Variants in PCM1 observed in about 807,000 individuals in gnomAD.
The protein encoded by PCM1 is pericentriolar material 1 protein.
In PCM1, 157 loss-of-function variants were observed where a neutral mutation model predicts 241.9. The ratio of observed to expected loss-of-function variants is 0.65; its 90% confidence interval spans 0.57 to 0.74. The LOEUF (loss-of-function observed/expected upper bound fraction) is 0.74. PCM1 is among the 30% of genes least tolerant of loss of function. The pLI, the probability that PCM1 is intolerant of heterozygous loss-of-function variation, is 0.00. For synonymous variants in PCM1, 1,085 were observed against 784.9 expected, an observed-to-expected ratio of 1.38 and a Z score of -6.39; for missense variants, 3,478 against 2,360.1, an observed-to-expected ratio of 1.47 and a Z score of -9.81.
intron 36 of PCM1, among the ~76,000 whole-genome samples, chr8:18,024,040 C>A (rs2093970281): frequency 6.6e-6 from 1 of 152,122 alleles, no homozygotes; most frequent in African/African-American, 2.4e-5. Flanking sequence ...AATACCTGAC[C>A]AAAACCCCCA....
chr8:17,938,756 A>C lies in PCM1; in HGVS notation c.359A>C (p.Asp120Ala). 1 of 1,611,294 alleles carries C rather than the reference A, an allele frequency of 6.2e-7. No homozygotes were observed. The highest frequency in any genetic ancestry group is 8.5e-7 in the Non-Finnish European group (1 of 1,177,494). The change falls in exon 5 of 39, where the codon GAT (aspartate) becomes GCT (alanine). Residue 120 changes from aspartate to alanine, a missense_variant. Asp to Ala is a moderately radical substitution (Grantham distance 126). Coordinates refer to ENST00000325083, the MANE Select transcript of PCM1 (RefSeq NM_006197.4). ...CATATATAGAGAAGCATTGGAAGTG[A>C]TTCCCAAGGTAGAGCAACAGCTGCT... is the stretch of plus-strand genomic sequence containing the variant. ...SDLDQRSIGS[D>A]SQGRATAANN...
At chr8:17,951,239 T>C (rs2129458395) in intron 8 of PCM1, among the ~76,000 whole-genome samples, 1 of 152,334 alleles carries the variant, frequency 6.6e-6, no homozygotes, top group East Asian at 1.9e-4. Flanking sequence ...AGATTTTCAA[T>C]ATGGGGGCCT....
chr8:17,948,111 A>G lies in PCM1; in HGVS notation c.961+748A>G, dbSNP rs199963424. ...TATCCCCCACTGTCTGCTTTTAGTA[A>G]TAATTTCTCTTCTTTGAGCGCTTTG... On this transcript the variant is annotated intron_variant, in intron 7 of 38. Coordinates refer to ENST00000325083, the MANE Select transcript of PCM1 (RefSeq NM_006197.4). Among the ~76,000 whole-genome samples the G allele has an allele frequency of 9.2e-5, 14 of 152,092 alleles. No homozygotes were observed. The East Asian group carries it at 2.3e-3, about 25-fold the overall frequency.
rs1478546353 is a variant in PCM1 at position 17,980,660 on chromosome 8, C to G, written c.4013C>G (p.Thr1338Ser). 1.2e-6 allele frequency: 2 copies of G among 1,613,248 alleles called. No individual in the cohort carries two copies. The highest frequency in any genetic ancestry group is 1.7e-5 in the Admixed American group (1 of 59,986). Residue 1338 changes from threonine (T) to serine (S), a missense_variant, in exon 24 of 39, where the codon ACT (threonine) becomes AGT (serine). Transcript: ENST00000325083. ...CKSRNRHSAQTEEPVQAKVFS... is the reference protein window; with the variant it reads ...CKSRNRHSAQSEEPVQAKVFS... ...AGTAGGAACAGACATTCAGCCCAGA[C>G]TGAAGAGCCTGTTCAAGCAAAAGTA... is the stretch of plus-strand genomic sequence containing the variant.
intron 26 of PCM1, 131 bp downstream of exon 26, chr8:17,986,218 T>A: frequency 1.7e-6 from 1 of 603,034 alleles, no homozygotes; most frequent in Non-Finnish European, 2.7e-6. Flanking sequence ...AACTTGGGTA[T>A]AATGTGTTAT....
chr8:18,025,902 C>T (rs542037298), intron 38 of PCM1, among the ~76,000 whole-genome samples: 11 of 152,034 alleles, frequency 7.2e-5, no homozygotes, highest in South Asian at 2.1e-4. Context: ...CGGTGGCTCA[C>T]GCCTGTAATC....
intron 21 of PCM1, among the ~76,000 whole-genome samples, chr8:17,968,676 C>T (rs952520874): frequency 1.3e-5 from 2 of 150,608 alleles, no homozygotes; most frequent in Admixed American, 6.6e-5. Flanking sequence ...ATACTTCTTA[C>T]ATACATATAT....
rs1201494461 is a variant in PCM1 at position 17,950,669 on chromosome 8, A to T, written c.1016A>T (p.Asn339Ile). ...GGCGTCAGTATCACATCTGAACTAA[A>T]TGAAGAATTGAATGACTTAATTCAG... Reference protein sequence around the residue: ...LSGVSITSELNEELNDLIQRF... With the variant: ...LSGVSITSELIEELNDLIQRF... Residue 339 changes from asparagine to isoleucine, a missense_variant, in exon 8 of 39, where the codon AAT becomes ATT. Asn to Ile is a moderately radical substitution (Grantham distance 149). Coordinates refer to ENST00000325083, the MANE Select transcript of PCM1 (RefSeq NM_006197.4). The T allele has an allele frequency of 4.4e-6, 7 of 1,606,192 alleles. No individual in the cohort carries two copies. Among genetic ancestry groups the T allele is most frequent in the Non-Finnish European group, 6.0e-6 (7 of 1,175,612 alleles).
chr8:17,982,206 T>C (rs564654357), intron 24 of PCM1, among the ~76,000 whole-genome samples: 1 of 152,198 alleles, frequency 6.6e-6, no homozygotes, highest in African/African-American at 2.4e-5. Flanking sequence ...TCAATCCTAT[T>C]CTTCTGAACC....
At chr8:18,026,945 T>TATAA (rs2094270913) in intron 38 of PCM1, among the ~76,000 whole-genome samples, 1 of 152,180 alleles carries the variant, frequency 6.6e-6, no homozygotes, top group East Asian at 1.9e-4. Context: ...GTTGCTTCTA[T>TATAA]ATAAATATCA....
At chr8:17,948,466 G>A (rs529074310) in intron 7 of PCM1, among the ~76,000 whole-genome samples, 44 of 151,676 alleles carry the variant, frequency 2.9e-4, no homozygotes, top group Non-Finnish European at 4.7e-4. Context: ...CACCATGCCT[G>A]GCTAATTTTT....
chr8:17,923,988 AT>A (rs1179794428), intron 1 of PCM1, among the ~76,000 whole-genome samples: 27 of 119,870 alleles, frequency 2.3e-4, no homozygotes, highest in Admixed American at 1.7e-3. Context: ...GCCTGGTTTA[AT>A]TTTTTTTGTT....
intron 7 of PCM1, among the ~76,000 whole-genome samples, chr8:17,948,320 T>C (rs936096418): frequency 8.8e-5 from 8 of 90,976 alleles, no homozygotes; most frequent in Admixed American, 2.0e-4. Context: ...TTTTTTTTTT[T>C]TGGAGACAGA....
At position 17,963,851 on chromosome 8, in the gene PCM1, T is replaced by G. The variant is rs2073680911; in HGVS notation, c.2654+560T>G. On this transcript the variant is annotated intron_variant, in intron 17 of 38. Coordinates refer to ENST00000325083, the MANE Select transcript of PCM1 (RefSeq NM_006197.4). Reference sequence around the variant, plus strand: ...TAGATTTGTTTATGACCTTCCCTTTTGATATCCTCAGATGGCATTTCTGGA... The same window carrying G: ...TAGATTTGTTTATGACCTTCCCTTTGGATATCCTCAGATGGCATTTCTGGA... Among the ~76,000 whole-genome samples, 4 of 152,236 alleles carry G rather than the reference T, an allele frequency of 2.6e-5. No individual in the cohort carries two copies. In the South Asian group the frequency reaches 8.3e-4, roughly 32 times the overall value.
Position 17,985,613 on chromosome 8 carries a change from A to C in PCM1, c.4275A>C (p.Ala1425=). The C allele has an allele frequency of 1.9e-6, 3 of 1,603,166 alleles. No individual in the cohort carries two copies. The highest frequency in any genetic ancestry group is 2.2e-5 in the South Asian group (2 of 89,196). ...ACTTGAGACAGAGGGCTTTATATGCATTGCAGGTATCTGGTACCTAACATA... is the reference window on the plus strand; with the variant it reads ...ACTTGAGACAGAGGGCTTTATATGCCTTGCAGGTATCTGGTACCTAACATA... The part of the protein sequence containing the change: ...TDYLRQRALY[A]LQDIVSRHIS... The change falls in exon 25 of 39, where the codon GCA becomes GCC. Residue 1425 remains alanine, a synonymous_variant. Coordinates refer to ENST00000325083, the MANE Select transcript of PCM1 (RefSeq NM_006197.4).
intron 32 of PCM1, 85 bp from the exon 33 acceptor site, chr8:18,011,151 TG>T: frequency 1.2e-6 from 1 of 823,748 alleles, no homozygotes; most frequent in East Asian, 3.1e-5. Flanking sequence ...TATTAGATAA[TG>T]ATCATTATTA....
At chr8:17,969,130 A>G (rs929947136) in intron 21 of PCM1, among the ~76,000 whole-genome samples, 6 of 152,184 alleles carry the variant, frequency 3.9e-5, no homozygotes, top group Non-Finnish European at 5.9e-5. Flanking sequence ...GAGTAGAAAC[A>G]ACATAAGCGT....
Position 18,025,601 on chromosome 8 carries a change from A to G in PCM1, c.5992A>G (p.Ile1998Val). The stretch of plus-strand genomic sequence containing the variant: ...ACAGAAAAACCATTTATCTGGTGAA[A>G]TATGTGAAATGCAGACCGAAGAATT... The part of the protein sequence containing the change: ...EEQKNHLSGE[I>V]CEMQTEELAG... Residue 1998 changes from isoleucine to valine, a missense_variant, in exon 38 of 39, where the codon ATA (isoleucine) becomes GTA (valine). Transcript: ENST00000325083. The G allele has an allele frequency of 1.9e-6, 3 of 1,585,184 alleles. No individual in the cohort carries two copies. The highest frequency in any genetic ancestry group is 1.3e-5 in the African/African-American group (1 of 74,400).
rs190992531 is a variant in PCM1 at position 17,938,703 on chromosome 8, T to A, written c.343-37T>A. The A allele has an allele frequency of 3.9e-3, 5,972 of 1,549,540 alleles. 18 individuals carry two copies. The highest frequency in any genetic ancestry group is 4.5e-3 in the Non-Finnish European group (5,084 of 1,125,076). On this transcript the variant is annotated intron_variant, in intron 4 of 38. Transcript: ENST00000325083. ...TTAAAACAAAATTTTGTCATAAGGT[T>A]AATGTTTGTGTGATTTGATTTCTTT... is the stretch of plus-strand genomic sequence containing the variant.
Sources: allele counts gnomAD v4.1 joint callset (sites outside exome capture counted in the v4.1 genomes callset), GRCh38; gene constraint gnomAD v4.1.1; transcripts MANE v1.5; gene names NCBI Gene and HGNC (gene_info 2026-07-23, HGNC 2026-07-21).